The following AFG2A variants were observed in gnomAD, a reference collection of about 807,000 sequenced individuals.
AFG2A encodes ATPase family gene 2 protein homolog A.
chr4:123,280,990 CA>C, the AFG2A span, among the ~76,000 whole-genome samples: 1 of 151,962 alleles, frequency 6.6e-6, no homozygotes, highest in South Asian at 2.1e-4. Context: ...CAGATATTAC[CA>C]TTTTTTTGTT....
At chr4:123,136,878 T>A in the AFG2A span, among the ~76,000 whole-genome samples, 17 of 151,710 alleles carry the variant, frequency 1.1e-4, no homozygotes, top group African/African-American at 4.1e-4. Context: ...GAATGTAGTC[T>A]GTTGTTGGGT....
the AFG2A span, among the ~76,000 whole-genome samples, chr4:122,957,418 A>G: frequency 6.6e-6 from 1 of 152,232 alleles, no homozygotes; most frequent in East Asian, 1.9e-4. Flanking sequence ...TAGAAAGCTG[A>G]AACAATTGGG....
At chr4:122,952,637 G>A in the AFG2A span, among the ~76,000 whole-genome samples, 1 of 152,172 alleles carries the variant, frequency 6.6e-6, no homozygotes, top group East Asian at 1.9e-4. Context: ...AGGTGTGAGG[G>A]CGCAGTTTGA....
the AFG2A span, among the ~76,000 whole-genome samples, chr4:123,079,089 G>T: frequency 6.6e-6 from 1 of 152,108 alleles, no homozygotes; most frequent in African/African-American, 2.4e-5. Context: ...GAGGGAATAG[G>T]GACAGTCTTC....
chr4:123,210,479 T>C, the AFG2A span, among the ~76,000 whole-genome samples: 1 of 152,330 alleles, frequency 6.6e-6, no homozygotes, highest in East Asian at 1.9e-4. Flanking sequence ...CTTTATGTGA[T>C]GTCCTCCAGG....
chr4:123,119,162 A>G, the AFG2A span, among the ~76,000 whole-genome samples: 1 of 152,082 alleles, frequency 6.6e-6, no homozygotes, highest in African/African-American at 2.4e-5. Context: ...TATTTGAATC[A>G]CATAATTTCA....
the AFG2A span, among the ~76,000 whole-genome samples, chr4:123,023,019 A>C: frequency 1.5e-5 from 2 of 130,698 alleles, no homozygotes; most frequent in Non-Finnish European, 3.2e-5. Context: ...GGAACATCAC[A>C]CACTGGGGAC....
chr4:123,085,430 A>G, the AFG2A span, among the ~76,000 whole-genome samples: 140 of 152,174 alleles, frequency 9.2e-4, no homozygotes, highest in Non-Finnish European at 1.8e-3. Flanking sequence ...TAGACAATTT[A>G]CCCTTTTATC....
chr4:123,057,318 C>A, the AFG2A span: 13 of 1,520,516 alleles, frequency 8.5e-6, no homozygotes, highest in Middle Eastern at 1.7e-4. Context: ...ACTGCTATTA[C>A]ATAATAATAT....
chr4:123,001,141 G>A, the AFG2A span, among the ~76,000 whole-genome samples: 2 of 145,626 alleles, frequency 1.4e-5, no homozygotes, highest in Admixed American at 6.8e-5. Context: ...CTGTGGGATC[G>A]GTGCTGATAT....
the AFG2A span, among the ~76,000 whole-genome samples, chr4:123,110,176 A>C: frequency 6.6e-6 from 1 of 152,168 alleles, no homozygotes; most frequent in Admixed American, 6.5e-5. Context: ...TTGAGGAAGT[A>C]ATGCTGAGAG....
chr4:123,226,594 C>T, the AFG2A span, among the ~76,000 whole-genome samples: 1 of 152,176 alleles, frequency 6.6e-6, no homozygotes, highest in African/African-American at 2.4e-5. Context: ...TTTTGATGGG[C>T]TGCTGGATTC....
chr4:123,058,203 G>A, the AFG2A span, among the ~76,000 whole-genome samples: 2 of 152,186 alleles, frequency 1.3e-5, no homozygotes, highest in Admixed American at 1.3e-4. Flanking sequence ...AGAAAAAGAG[G>A]TTTAATGGAC....
the AFG2A span, among the ~76,000 whole-genome samples, chr4:123,098,988 A>G: frequency 2.6e-5 from 4 of 151,982 alleles, no homozygotes; most frequent in Non-Finnish European, 5.9e-5. Context: ...CCAACAGTGT[A>G]CAAGGGGTCT....
chr4:122,923,380 T>G, the AFG2A span: 1 of 1,583,020 alleles, frequency 6.3e-7, no homozygotes, highest in Non-Finnish European at 8.6e-7. Context: ...TGATACTGAC[T>G]TGGGGTGCAG....
At chr4:123,303,798 C>A in the AFG2A span, among the ~76,000 whole-genome samples, 2 of 151,484 alleles carry the variant, frequency 1.3e-5, no homozygotes, top group Admixed American at 6.6e-5. Context: ...TTTGAATCAG[C>A]AAAATTAAGC....
the AFG2A span, among the ~76,000 whole-genome samples, chr4:123,162,287 A>G: frequency 1.3e-5 from 2 of 152,254 alleles, no homozygotes; most frequent in Admixed American, 6.5e-5. Context: ...GCAAGGAAAA[A>G]TGGGACTTTT....
chr4:123,127,024 C>T, the AFG2A span, among the ~76,000 whole-genome samples: 1 of 152,180 alleles, frequency 6.6e-6, no homozygotes, highest in East Asian at 1.9e-4. Flanking sequence ...AGTTTGAAAC[C>T]AGCCTGGGAA....
the AFG2A span, among the ~76,000 whole-genome samples, chr4:122,931,710 C>T: frequency 6.6e-6 from 1 of 152,172 alleles, no homozygotes; most frequent in Non-Finnish European, 1.5e-5. Context: ...AGCTTCTTCA[C>T]TACACTGCTG....
Sources: allele counts gnomAD v4.1 joint callset (sites outside exome capture counted in the v4.1 genomes callset), GRCh38; gene constraint gnomAD v4.1.1; transcripts MANE v1.5; gene names NCBI Gene and HGNC (gene_info 2026-07-23, HGNC 2026-07-21).